The following ANGPT2 variants were observed in gnomAD, a reference collection of about 807,000 sequenced individuals.
ANGPT2 encodes the protein angiopoietin-2.
ANGPT2 carries 28 observed loss-of-function variants against 62.9 expected under a neutral mutation model. The observed-to-expected ratio is 0.44, with a 90% confidence interval of 0.33 to 0.61. ANGPT2 has a LOEUF of 0.61. Among genes scored for constraint, ANGPT2 ranks in the 20% least tolerant of loss-of-function variants. The pLI is 0.03. For missense variants in ANGPT2, 727 were observed against 594.9 expected, an observed-to-expected ratio of 1.22 and a Z score of -2.31; for synonymous variants, 284 against 207.8, an observed-to-expected ratio of 1.37 and a Z score of -3.15.
At position 6,530,399 on chromosome 8, in the gene ANGPT2, C is replaced by T. The variant is rs1228790995; in HGVS notation, c.444+1933G>A. The stretch of plus-strand genomic sequence containing the variant: ...TAGCCTGCACCTGTAATCCCAGCTA[C>T]GCGGGAGGCTAAGGCACGAGAATCG... On this transcript the variant is annotated intron_variant, in intron 2 of 8. Transcript: ENST00000629816. Among the ~76,000 whole-genome samples, 6 of 151,296 alleles carry T rather than the reference C, an allele frequency of 4.0e-5. No homozygotes were observed. The East Asian group carries it at 5.9e-4, about 15-fold the overall frequency.
At chr8:6,508,521 A>G in intron 8 of ANGPT2, 1 of 244,410 alleles carries the variant, frequency 4.1e-6, no homozygotes, top group Non-Finnish European at 7.7e-6. Context: ...TTCTTTGAAC[A>G]TTAAATTATT....
chr8:6,530,153 G>C (rs1464716822), intron 2 of ANGPT2, among the ~76,000 whole-genome samples: 5 of 152,158 alleles, frequency 3.3e-5, no homozygotes, highest in Non-Finnish European at 7.4e-5. Context: ...GTATCAAAAG[G>C]TGGGGCATGT....
Position 6,535,648 on chromosome 8 carries a change from G to T in ANGPT2, c.289-3161C>A, listed in dbSNP as rs560201155. 3.3e-5 allele frequency among the ~76,000 whole-genome samples: 5 copies of T among 152,098 alleles called. No homozygotes were observed. In the South Asian group the frequency reaches 6.2e-4, roughly 19 times the overall value. ...TGAAGCATGTATCATTTAAATAAAA[G>T]AAAATTCTGTGTGATACTGACTGCA... On this transcript the variant is annotated intron_variant, in intron 1 of 8. Transcript: ENST00000629816.
At chr8:6,561,418 C>G (rs958425299) in intron 1 of ANGPT2, among the ~76,000 whole-genome samples, 1 of 152,182 alleles carries the variant, frequency 6.6e-6, no homozygotes, top group African/African-American at 2.4e-5. Context: ...ATAACTTAGT[C>G]GTTTCCTCTC....
chr8:6,500,095 A>G lies in ANGPT2; in HGVS notation c.*3006T>C. ...ACCTTTTATCAATTTATTCGCGAGA[A>G]CAAATGTGAGAACGTGAGACCATTG... is the stretch of plus-strand genomic sequence containing the variant. On this transcript the variant is annotated 3_prime_UTR_variant, in exon 9 of 9. Transcript: ENST00000629816. 1 of 660,770 alleles carries G rather than the reference A, an allele frequency of 1.5e-6. No individual in the cohort carries two copies. Among genetic ancestry groups the G allele is most frequent in the Non-Finnish European group, 2.7e-6 (1 of 370,232 alleles). The allele number at this position is 660,770 out of a possible 1,614,324, so 40.9% of individuals were successfully genotyped here.
At chr8:6,560,357 C>G (rs1015046749) in intron 1 of ANGPT2, among the ~76,000 whole-genome samples, 2 of 152,166 alleles carry the variant, frequency 1.3e-5, no homozygotes, top group African/African-American at 4.8e-5. Flanking sequence ...GCTTATCTCT[C>G]ATTCCATTTT....
At chr8:6,514,358 A>G (rs1344102848) in intron 6 of ANGPT2, among the ~76,000 whole-genome samples, 3 of 151,966 alleles carry the variant, frequency 2.0e-5, no homozygotes, top group Non-Finnish European at 2.9e-5. Flanking sequence ...CCTGGCTAAT[A>G]TTTGTATTTT....
chr8:6,557,120 A>G (rs528732418), intron 1 of ANGPT2, among the ~76,000 whole-genome samples: 1 of 152,060 alleles, frequency 6.6e-6, no homozygotes, highest in African/African-American at 2.4e-5. Context: ...GTTCATTCAC[A>G]CTCCTCTCAG....
chr8:6,524,213 G>A (rs1175748592), intron 3 of ANGPT2, among the ~76,000 whole-genome samples: 2 of 152,002 alleles, frequency 1.3e-5, no homozygotes, highest in Middle Eastern at 3.2e-3. Context: ...TTTGAGTCCC[G>A]TATAAGTCAG....
intron 1 of ANGPT2, among the ~76,000 whole-genome samples, chr8:6,560,814 T>C (rs554074652): frequency 4.8e-4 from 73 of 152,356 alleles, no homozygotes; most frequent in Non-Finnish European, 7.5e-4. Context: ...AAGAAAGAAA[T>C]ATGAGCTTTG....
intron 1 of ANGPT2, among the ~76,000 whole-genome samples, chr8:6,560,422 C>T (rs1340919328): frequency 6.6e-6 from 1 of 152,068 alleles, no homozygotes; most frequent in East Asian, 1.9e-4. Context: ...GGTGACAAAA[C>T]ACAGGAGAAA....
At chr8:6,556,533 G>C (rs1335434092) in intron 1 of ANGPT2, among the ~76,000 whole-genome samples, 2 of 152,020 alleles carry the variant, frequency 1.3e-5, no homozygotes, top group African/African-American at 4.8e-5. Flanking sequence ...CTTCTGTGCA[G>C]CACATACTAG....
At chr8:6,516,627 C>A (rs145119099) in intron 5 of ANGPT2, among the ~76,000 whole-genome samples, 5 of 152,312 alleles carry the variant, frequency 3.3e-5, no homozygotes, top group African/African-American at 1.2e-4. Context: ...TTTTAAAAAT[C>A]TATTTCATAA....
intron 1 of ANGPT2, among the ~76,000 whole-genome samples, chr8:6,533,485 TC>T (rs776099841): frequency 3.3e-5 from 5 of 151,966 alleles, no homozygotes; most frequent in Non-Finnish European, 7.4e-5. Flanking sequence ...TTCTGGTTGG[TC>T]AGAGGAGTGT....
intron 2 of ANGPT2, among the ~76,000 whole-genome samples, chr8:6,530,439 G>A (rs1486993368): frequency 6.6e-6 from 1 of 150,508 alleles, no homozygotes; most frequent in Non-Finnish European, 1.5e-5. Context: ...AACCCGGGAG[G>A]TGGAGGTTGC....
At chr8:6,514,325 G>A (rs1457431258) in intron 6 of ANGPT2, among the ~76,000 whole-genome samples, 1 of 152,120 alleles carries the variant, frequency 6.6e-6, no homozygotes, top group Non-Finnish European at 1.5e-5. Flanking sequence ...GAGTAGCTGG[G>A]ATTACAGGTG....
At chr8:6,536,067 AAAAATT>A (rs1427328680) in intron 1 of ANGPT2, among the ~76,000 whole-genome samples, 7 of 152,144 alleles carry the variant, frequency 4.6e-5, no homozygotes, top group East Asian at 1.9e-4. Context: ...AAAAAAAGAA[AAAAATT>A]AAAATTAAAA....
chr8:6,542,558 C>A (rs902697059), intron 1 of ANGPT2, among the ~76,000 whole-genome samples: 1 of 151,854 alleles, frequency 6.6e-6, no homozygotes, highest in Non-Finnish European at 1.5e-5. Flanking sequence ...AACACCCCAT[C>A]CCGCACTCTC....
chr8:6,531,439 C>T (rs1819495392), intron 2 of ANGPT2, among the ~76,000 whole-genome samples: 1 of 152,036 alleles, frequency 6.6e-6, no homozygotes, highest in South Asian at 2.1e-4. Context: ...CAGATGCCCG[C>T]CACCACACCT....
Sources: allele counts gnomAD v4.1 joint callset (sites outside exome capture counted in the v4.1 genomes callset), GRCh38; gene constraint gnomAD v4.1.1; transcripts MANE v1.5; gene names NCBI Gene and HGNC (gene_info 2026-07-23, HGNC 2026-07-21).